CELF2: variants seen among roughly 807,000 people sequenced by gnomAD.
CELF2 encodes CUGBP Elav-like family member 2.
Under a neutral mutation model 62.6 loss-of-function variants are expected in CELF2, and 8 were observed. The ratio of observed to expected loss-of-function variants is 0.13; its 90% CI spans 0.07 to 0.23. The LOEUF (loss-of-function observed/expected upper bound fraction) is 0.23. Among genes scored for constraint, CELF2 ranks in the 10% least tolerant of loss-of-function variants. The probability of loss-of-function intolerance (pLI) is 1.00; values close to 1 mark genes in which losing one functional copy is unlikely to be tolerated. For missense variants in CELF2, 333 were observed against 671.0 expected (o/e 0.50, Z 5.56); for synonymous variants, 258 against 250.0 (o/e 1.03, Z -0.30).
intron 2 of CELF2, among the ~76,000 whole-genome samples, chr10:10,940,204 G>A (rs189185114): frequency 2.8e-4 from 43 of 152,208 alleles, no homozygotes; most frequent in Non-Finnish European, 5.4e-4. Context: ...TGGCACTTGG[G>A]GGAATTATAC....
the CELF2 span, among the ~76,000 whole-genome samples, chr10:10,651,927 C>G: frequency 3.3e-5 from 5 of 151,102 alleles, no homozygotes; most frequent in South Asian, 6.4e-4. Flanking sequence ...TTACTCTGAG[C>G]TACGGGAGGA....
chr10:10,931,266 A>G lies in CELF2; in HGVS notation c.89+11267A>G, dbSNP rs912370074. Among the ~76,000 whole-genome samples the G allele has an allele frequency of 1.3e-5, 2 of 152,236 alleles. No homozygotes were observed. Among genetic ancestry groups the G allele is most frequent in the East Asian group, 1.9e-4 (1 of 5,202 alleles). ...ACATTAGACTCACAAAACACTATAT[A>G]AAACCAAGCTGAGGCAGTGACATGA... is the stretch of plus-strand genomic sequence containing the variant. On this transcript the variant is annotated intron_variant, in intron 2 of 13. Transcript: ENST00000636488. This position sits in a 1 kb window ranked among gnomAD's most constrained non-coding sequence, Gnocchi z 6.1.
chr10:10,567,523 C>A, the CELF2 span, among the ~76,000 whole-genome samples: 1 of 152,114 alleles, frequency 6.6e-6, no homozygotes, highest in African/African-American at 2.4e-5. Context: ...AGCTTTTATG[C>A]ATCAACAGAG....
intron 2 of CELF2, among the ~76,000 whole-genome samples, chr10:11,216,096 G>A (rs1190261674): frequency 6.6e-6 from 1 of 152,220 alleles, no homozygotes; most frequent in Non-Finnish European, 1.5e-5. Context: ...CATTTGAAGG[G>A]TTCCTGATCT....
At chr10:10,564,837 T>A in the CELF2 span, among the ~76,000 whole-genome samples, 1 of 150,670 alleles carries the variant, frequency 6.6e-6, no homozygotes, top group Admixed American at 6.6e-5. Flanking sequence ...TCAAACTACC[T>A]CCAGAAGAAA....
At chr10:10,691,316 T>C in the CELF2 span, among the ~76,000 whole-genome samples, 1 of 151,078 alleles carries the variant, frequency 6.6e-6, no homozygotes, top group Non-Finnish European at 1.5e-5. Flanking sequence ...TTCATCCATG[T>C]CCCTACAAAG....
rs58453098 is a variant in CELF2 at position 11,177,421 on chromosome 10, T to TAA, written c.271+11752_271+11753dup. On this transcript the variant is annotated intron_variant, in intron 2 of 12. Transcript: ENST00000633077. This position sits in a 1 kb window ranked among gnomAD's most constrained non-coding sequence, Gnocchi z 4.8. ...TTGGCTTATGTTTGCATGTGTGAAT[T>TAA]AAAAAAAAAAAAAAGAGAAAATTAG... 4.2e-3 allele frequency among the ~76,000 whole-genome samples: 588 copies of TAA among 141,026 alleles called. 18 individuals are homozygous for TAA. The East Asian group carries it at 0.096, about 23-fold the overall frequency. 92.5% of individuals were successfully genotyped at this position (141,026 alleles called of 152,430 possible). A position where few individuals can be genotyped will look rare whatever the true frequency, so the allele number is the denominator to read the frequency against.
intron 1 of CELF2, among the ~76,000 whole-genome samples, chr10:10,857,776 G>T (rs1466540950): frequency 1.3e-5 from 2 of 149,378 alleles, no homozygotes; most frequent in Admixed American, 1.3e-4. Context: ...AAAAGACCCA[G>T]TAAGGAGTCA....
At chr10:11,139,345 A>G (rs1486430671) in intron 1 of CELF2, among the ~76,000 whole-genome samples, 1 of 152,230 alleles carries the variant, frequency 6.6e-6, no homozygotes, top group African/African-American at 2.4e-5. Context: ...TTCAAGAAAC[A>G]TTGTCTTTGC....
At chr10:11,169,380 G>T (rs1366440351) in intron 2 of CELF2, 1 of 152,194 alleles carries the variant, frequency 6.6e-6, no homozygotes, top group African/African-American at 2.4e-5. Context: ...TATGGGAGAT[G>T]AAAAAGATGG....
intron 1 of CELF2, among the ~76,000 whole-genome samples, chr10:10,812,329 C>A (rs995156669): frequency 1.3e-5 from 2 of 152,068 alleles, no homozygotes; most frequent in Admixed American, 6.5e-5. Context: ...GGTGAAACTG[C>A]CCCCATGATT....
the CELF2 span, among the ~76,000 whole-genome samples, chr10:10,519,440 C>T: frequency 6.6e-6 from 1 of 152,136 alleles, no homozygotes; most frequent in African/African-American, 2.4e-5. Flanking sequence ...TGTGCCTGTA[C>T]TACTAATATT....
chr10:10,838,303 A>C (rs1292787201), intron 1 of CELF2, among the ~76,000 whole-genome samples: 1 of 152,198 alleles, frequency 6.6e-6, no homozygotes, highest in Admixed American at 6.5e-5. Flanking sequence ...TGTACATGCT[A>C]TCAACATGGC....
the CELF2 span, among the ~76,000 whole-genome samples, chr10:10,500,524 C>T: frequency 6.6e-6 from 1 of 152,162 alleles, no homozygotes; most frequent in African/African-American, 2.4e-5. Context: ...AGCACAAATT[C>T]TCTCTTGCCT....
the CELF2 span, among the ~76,000 whole-genome samples, chr10:10,666,158 A>G: frequency 2.0e-5 from 3 of 152,116 alleles, no homozygotes; most frequent in Non-Finnish European, 4.4e-5. Context: ...TGCAAATTTC[A>G]TTCTTTCCAT....
At chr10:11,208,625 G>A (rs565276359) in intron 2 of CELF2, among the ~76,000 whole-genome samples, 76 of 152,338 alleles carry the variant, frequency 5.0e-4, no homozygotes, top group Admixed American at 2.9e-3. Context: ...GTCAAACAAG[G>A]TAGGTCAGAG....
rs780603038 is a variant in CELF2 at position 11,318,953 on chromosome 10, C to T, written c.1097-2236C>T. The T allele has an allele frequency of 1.1e-5, 5 of 471,160 alleles. No individual in the cohort carries two copies. Among genetic ancestry groups the T allele is most frequent in the South Asian group, 7.7e-5 (5 of 64,566 alleles). 29.2% of individuals were successfully genotyped at this position (471,160 alleles called of 1,614,324 possible). A position where few individuals can be genotyped will look rare whatever the true frequency, so the allele number is the denominator to read the frequency against. ...GACAAGGCATCATGGTGGTGCGATGCTGCCCACCCCTCCATGGGAACTTGG... is the reference window on the plus strand; with the variant it reads ...GACAAGGCATCATGGTGGTGCGATGTTGCCCACCCCTCCATGGGAACTTGG... On this transcript the variant is annotated intron_variant, in intron 10 of 12. Coordinates refer to ENST00000633077, the MANE Select transcript of CELF2 (RefSeq NM_001326342.2). The surrounding 1 kb of genome is among the most constrained non-coding windows in gnomAD (Gnocchi z 5.4).
chr10:11,126,144 T>C (rs1376666265), intron 1 of CELF2, among the ~76,000 whole-genome samples: 1 of 152,246 alleles, frequency 6.6e-6, no homozygotes, highest in Non-Finnish European at 1.5e-5. Flanking sequence ...GATGAGTTCA[T>C]TTACGATGAT....
At chr10:11,078,591 C>G (rs1163817681) in intron 1 of CELF2, among the ~76,000 whole-genome samples, 2 of 152,208 alleles carry the variant, frequency 1.3e-5, no homozygotes, top group East Asian at 3.8e-4. Flanking sequence ...TCCCTACAAA[C>G]TAACCACTCA....
Sources: allele counts gnomAD v4.1 joint callset (sites outside exome capture counted in the v4.1 genomes callset), GRCh38; gene constraint gnomAD v4.1.1; non-coding constraint Gnocchi (gnomAD v3.1); transcripts MANE v1.5; gene names NCBI Gene and HGNC (gene_info 2026-07-23, HGNC 2026-07-21).